The following SYT10 variants were observed in gnomAD, a reference collection of about 807,000 sequenced individuals.
SYT10 encodes synaptotagmin-10.
SYT10 carries 31 observed loss-of-function variants against 51.1 expected under a neutral mutation model. That is an observed-to-expected ratio of 0.61 (90% confidence interval 0.46 to 0.82). SYT10 has a LOEUF of 0.82. Ranked by LOEUF, SYT10 falls within the 40% of genes least tolerant of loss-of-function variation. SYT10 has a pLI of 0.00. For synonymous variants in SYT10, 233 were observed against 225.9 expected (o/e 1.03, Z -0.28); for missense variants, 603 against 634.0 (o/e 0.95, Z 0.53).
chr12:33,410,185 C>A (rs1177178968), intron 2 of SYT10, among the ~76,000 whole-genome samples: 1 of 152,150 alleles, frequency 6.6e-6, no homozygotes, highest in Non-Finnish European at 1.5e-5. Context: ...ATTCTATAGT[C>A]CTTCAGTAAT....
intron 4 of SYT10, among the ~76,000 whole-genome samples, chr12:33,383,598 A>C (rs1381964250): frequency 1.3e-5 from 2 of 152,176 alleles, no homozygotes; most frequent in Non-Finnish European, 1.5e-5. Flanking sequence ...GTATGTCCTA[A>C]GGAGAAGCTC....
rs577169891 is a variant in SYT10 at position 33,411,260 on chromosome 12, A to C, written c.510-3904T>G. Among the ~76,000 whole-genome samples, 28 of 152,154 alleles carry C rather than the reference A, an allele frequency of 1.8e-4. 1 individual carries two copies. In the South Asian group the frequency reaches 5.6e-3, roughly 31 times the overall value. On this transcript the variant is annotated intron_variant, in intron 2 of 6. Coordinates refer to ENST00000228567, the MANE Select transcript of SYT10 (RefSeq NM_198992.4). ...AAAGTATCATTTTATATGCTTTTAT[A>C]TGTTTTCCACTTAAATATTATATAT... is the stretch of plus-strand genomic sequence containing the variant.
At chr12:33,402,860 TTTTCC>T (rs1367592586) in intron 3 of SYT10, among the ~76,000 whole-genome samples, 2 of 152,092 alleles carry the variant, frequency 1.3e-5, no homozygotes, top group African/African-American at 4.8e-5. Flanking sequence ...GCTGGTCTGA[TTTTCC>T]TAGAGTCTTA....
intron 6 of SYT10, among the ~76,000 whole-genome samples, chr12:33,377,924 G>T (rs1184500616): frequency 1.3e-5 from 2 of 152,050 alleles, no homozygotes; most frequent in Admixed American, 6.6e-5. Flanking sequence ...CACCGCACCC[G>T]GTTGAGGAAC....
At chr12:33,387,271 C>T (rs907017211) in intron 3 of SYT10, among the ~76,000 whole-genome samples, 2 of 152,114 alleles carry the variant, frequency 1.3e-5, no homozygotes, top group Non-Finnish European at 2.9e-5. Context: ...TTGTGTTTGA[C>T]CCCCAGTTTT....
chr12:33,393,803 C>A (rs1025404826), intron 3 of SYT10, among the ~76,000 whole-genome samples: 1 of 152,176 alleles, frequency 6.6e-6, no homozygotes, highest in Admixed American at 6.5e-5. Flanking sequence ...TCTAGGGTGG[C>A]CCCCACTCCA....
chr12:33,379,797 C>G (rs1248919817), intron 6 of SYT10, 35 bp downstream of exon 6: 2 of 1,609,758 alleles, frequency 1.2e-6, no homozygotes, highest in Non-Finnish European at 1.7e-6. Context: ...AAAGAGACAA[C>G]AAAAAGAGCA....
chr12:33,397,770 G>C (rs1402803268), intron 3 of SYT10, among the ~76,000 whole-genome samples: 1 of 152,012 alleles, frequency 6.6e-6, no homozygotes, highest in East Asian at 1.9e-4. Context: ...CTTGGGAGAA[G>C]TCTGACTCTC....
intron 2 of SYT10, among the ~76,000 whole-genome samples, chr12:33,415,126 T>G (rs545571355): frequency 2.0e-5 from 3 of 152,334 alleles, no homozygotes; most frequent in African/African-American, 7.2e-5. Flanking sequence ...TGCTACAGTT[T>G]GGTTCTAGCT....
intron 3 of SYT10, among the ~76,000 whole-genome samples, chr12:33,402,751 G>A (rs1433696490): frequency 6.6e-6 from 1 of 152,088 alleles, no homozygotes; most frequent in African/African-American, 2.4e-5. Flanking sequence ...TCTTGCACAG[G>A]CCTTTGGACC....
chr12:33,410,738 T>C (rs57052865), intron 2 of SYT10, among the ~76,000 whole-genome samples: 93,085 of 151,788 alleles, frequency 0.61, 29,727 homozygotes, highest in East Asian at 0.89. Flanking sequence ...AATGATATTC[T>C]AATATCAGAT....
chr12:33,416,380 G>A (rs1866453981), intron 2 of SYT10, among the ~76,000 whole-genome samples: 1 of 151,974 alleles, frequency 6.6e-6, no homozygotes, highest in South Asian at 2.1e-4. Context: ...ACCACGCCCG[G>A]CCCACACCAT....
chr12:33,400,209 T>G (rs1412961150), intron 3 of SYT10, among the ~76,000 whole-genome samples: 1 of 152,178 alleles, frequency 6.6e-6, no homozygotes, highest in African/African-American at 2.4e-5. Context: ...CATTGATAGC[T>G]AAATGGGAAA....
intron 3 of SYT10, among the ~76,000 whole-genome samples, chr12:33,390,259 A>G (rs576919021): frequency 3.0e-4 from 46 of 152,298 alleles, no homozygotes; most frequent in African/African-American, 1.1e-3. Flanking sequence ...TTAAACTTCC[A>G]GATAATATGC....
At chr12:33,398,059 G>T (rs1866271901) in intron 3 of SYT10, among the ~76,000 whole-genome samples, 1 of 152,080 alleles carries the variant, frequency 6.6e-6, no homozygotes, top group Non-Finnish European at 1.5e-5. Flanking sequence ...GTGGAATAGG[G>T]TGTTCAGGAG....
In SYT10 at chr12:33,379,869, T is replaced by G. The variant is rs34190017; in HGVS notation, c.1463A>C (p.His488Pro). ...RDHWNEMLAY[H>P]RKPITHWHPL... The stretch of plus-strand genomic sequence containing the variant: ...GTGCCAGTGCGTTATTGGTTTTCGA[T>G]GATAGGCCAGCATTTCATTCCAGTG... Residue 488 changes from histidine (H) to proline (P), a missense_variant, in exon 6 of 7, where the codon CAT becomes CCT. By Grantham distance (77) the His-to-Pro change is moderately conservative. Transcript: ENST00000228567. The G allele has an allele frequency of 0.019, 31,175 of 1,613,984 alleles. 406 individuals are homozygous for G. The highest frequency in any genetic ancestry group is 0.03 in the South Asian group (2,728 of 91,080).
At chr12:33,426,714 T>A (rs1392371638) in intron 1 of SYT10, among the ~76,000 whole-genome samples, 1 of 152,220 alleles carries the variant, frequency 6.6e-6, no homozygotes, top group East Asian at 1.9e-4. Context: ...ATTCTAATTA[T>A]ATACAGGAAA....
chr12:33,438,964 C>A lies in SYT10; in HGVS notation c.151+408G>T, dbSNP rs1005692217. Among the ~76,000 whole-genome samples, 5 of 152,344 alleles carry A rather than the reference C, an allele frequency of 3.3e-5. No individual in the cohort carries two copies. The East Asian group carries it at 9.7e-4, about 30-fold the overall frequency. On this transcript the variant is annotated intron_variant, in intron 1 of 6. Transcript: ENST00000228567. Reference sequence around the variant, plus strand: ...CGGGACCAGCGGCCGGTGGAACGAGCGAGAGCAGCCCTAGTCCCACAGGTG... The same window carrying A: ...CGGGACCAGCGGCCGGTGGAACGAGAGAGAGCAGCCCTAGTCCCACAGGTG...
At chr12:33,397,619 C>G (rs1213320006) in intron 3 of SYT10, among the ~76,000 whole-genome samples, 3 of 152,064 alleles carry the variant, frequency 2.0e-5, no homozygotes, top group Non-Finnish European at 4.4e-5. Context: ...AACCTAAAGA[C>G]ACACCTAGGA....
Sources: gnomAD v4.1 joint callset for allele counts (sites outside exome capture counted in the v4.1 genomes callset) on GRCh38, gnomAD v4.1.1 for gene constraint, MANE v1.5 for transcripts, NCBI Gene and HGNC (gene_info 2026-07-23, HGNC 2026-07-21) for gene names.